Variants in SPATA9 observed in about 807,000 individuals in gnomAD.
SPATA9 encodes the protein spermatogenesis-associated protein 9.
A neutral mutation model predicts 25.5 loss-of-function variants in SPATA9; 27 were observed. The ratio of observed to expected loss-of-function variants is 1.06; its 90% CI spans 0.78 to 1.46. The LOEUF (loss-of-function observed/expected upper bound fraction) is 1.46, where lower values mean the gene tolerates loss of function less well. Ranked by LOEUF, SPATA9 falls within the 40% of genes most tolerant of loss-of-function variation. The pLI is 0.00. For missense variants in SPATA9, 282 were observed against 297.5 expected (o/e 0.95, Z 0.38); for synonymous variants, 102 against 105.7 (o/e 0.97, Z 0.21).
chr5:95,703,590 C>A (rs564631303), upstream of SPATA9, among the ~76,000 whole-genome samples: 1 of 151,804 alleles, frequency 6.6e-6, no homozygotes. Context: ...GCCGAGATTG[C>A]ACCACTGCAT....
the SPATA9 span, among the ~76,000 whole-genome samples, chr5:95,718,142 T>G: frequency 6.6e-6 from 1 of 152,130 alleles, no homozygotes; most frequent in South Asian, 2.1e-4. Flanking sequence ...AAACCTGAAC[T>G]AAAAGATACT....
chr5:95,706,731 GGAC>G, the SPATA9 span, among the ~76,000 whole-genome samples: 2 of 151,944 alleles, frequency 1.3e-5, no homozygotes, highest in Non-Finnish European at 2.9e-5. Context: ...CTAGAAAAGA[GGAC>G]AATTTCTCCC....
chr5:95,682,767 C>T lies in SPATA9; in HGVS notation c.61+27G>A, dbSNP rs776596315. Reference sequence around the variant, plus strand: ...ATTCCCAATTGTTCCCACACCCATACGCCCTTTACAACAAGATTGTGTATA... The same window carrying T: ...ATTCCCAATTGTTCCCACACCCATATGCCCTTTACAACAAGATTGTGTATA... On this transcript the variant is annotated intron_variant, in intron 1 of 4. Transcript: ENST00000274432. 5.4e-5 allele frequency: 83 copies of T among 1,538,202 alleles called. 1 individual carries two copies. The highest frequency in any genetic ancestry group is 1.8e-4 in the East Asian group (8 of 44,348).
At chr5:95,730,079 T>C in the SPATA9 span, among the ~76,000 whole-genome samples, 1 of 151,634 alleles carries the variant, frequency 6.6e-6, no homozygotes, top group Admixed American at 6.6e-5. Flanking sequence ...AAAGGGAAAT[T>C]AGATTAAAAA....
Position 95,694,243 on chromosome 5 carries a change from C to T in SPATA9, n.124+4345G>A, listed in dbSNP as rs10077822. Among the ~76,000 whole-genome samples the T allele has an allele frequency of 5.6e-3, 847 of 152,238 alleles. 16 individuals are homozygous for T. Among genetic ancestry groups the T allele is most frequent in the African/African-American group, 0.02 (813 of 41,536 alleles). Reference sequence around the variant, plus strand: ...TATAAGCTTCATATATTGTTATGATCTTTAGTTAGAAGTCTTAGATTTATC... The same window carrying T: ...TATAAGCTTCATATATTGTTATGATTTTTAGTTAGAAGTCTTAGATTTATC... On this transcript the variant is annotated intron_variant and non_coding_transcript_variant, in intron 1 of 2. Coordinates refer to the SPATA9 transcript ENST00000379990.
chr5:95,661,143 T>C (rs1044807814), intron 4 of SPATA9, among the ~76,000 whole-genome samples: 1 of 152,122 alleles, frequency 6.6e-6, no homozygotes, highest in South Asian at 2.1e-4. Flanking sequence ...ACTTGACTTT[T>C]TCTGCTTGTA....
At chr5:95,654,295 T>C (rs772587611), downstream of SPATA9, 1 of 1,610,584 alleles carries the variant, frequency 6.2e-7, no homozygotes, top group Non-Finnish European at 8.5e-7. Context: ...AAATTTCAGT[T>C]TTTTAGTGAC....
chr5:95,721,894 T>A, the SPATA9 span, among the ~76,000 whole-genome samples: 1 of 152,178 alleles, frequency 6.6e-6, no homozygotes, highest in African/African-American at 2.4e-5. Context: ...GCCAACCTAA[T>A]ATATAATGGC....
At chr5:95,675,289 C>T (rs1179560789) in intron 3 of SPATA9, 123 bp downstream of exon 3, 1 of 782,118 alleles carries the variant, frequency 1.3e-6, no homozygotes, top group African/African-American at 1.8e-5. Flanking sequence ...CCATTCATTT[C>T]TCTTATCCAA....
chr5:95,704,578 T>C, the SPATA9 span, among the ~76,000 whole-genome samples: 5 of 152,164 alleles, frequency 3.3e-5, no homozygotes, highest in Non-Finnish European at 4.4e-5. Context: ...AAATAAAGTA[T>C]CAATTAAAGA....
At chr5:95,677,624 A>C (rs941224585) in intron 2 of SPATA9, among the ~76,000 whole-genome samples, 2 of 152,174 alleles carry the variant, frequency 1.3e-5, no homozygotes, top group African/African-American at 4.8e-5. Flanking sequence ...ACACATTAAC[A>C]ATAACCAACA....
the SPATA9 span, among the ~76,000 whole-genome samples, chr5:95,715,895 G>T: frequency 6.6e-6 from 1 of 152,206 alleles, no homozygotes; most frequent in East Asian, 1.9e-4. Context: ...ACCACTCAAT[G>T]TAAAATACGG....
chr5:95,674,573 AT>A (rs1752738026), intron 3 of SPATA9: 1 of 267,872 alleles, frequency 3.7e-6, no homozygotes, highest in Non-Finnish European at 7.5e-6. Context: ...ACAGCTGCAA[AT>A]TATCTTGCAA....
In SPATA9 at chr5:95,675,604, C is replaced by G; in HGVS notation, c.186G>C (p.Arg62Ser). 6.2e-7 allele frequency: 1 copy of G among 1,614,048 alleles called. No homozygotes were observed. ...TAATCTTAGCTAAAGCAATAGCCAT[C>G]CTGATTTTGGATGTTTTCTGCGCAG... Reference protein sequence around the residue: ...REPAQKTSKIRMAIALAKINR... With the variant: ...REPAQKTSKISMAIALAKINR... Residue 62 changes from arginine to serine, a missense_variant, in exon 3 of 5, where the codon AGG becomes AGC. By Grantham distance (110) the Arg-to-Ser change is moderately radical (BLOSUM62 -1). Coordinates refer to ENST00000274432, the MANE Select transcript of SPATA9 (RefSeq NM_031952.4).
the SPATA9 span, among the ~76,000 whole-genome samples, chr5:95,718,593 T>C: frequency 1.3e-5 from 2 of 152,196 alleles, no homozygotes; most frequent in South Asian, 2.1e-4. Flanking sequence ...CAATACCAAA[T>C]GCTCAATTGA....
chr5:95,654,081 C>A (rs778691566), downstream of SPATA9: 44 of 1,610,736 alleles, frequency 2.7e-5, no homozygotes, highest in Non-Finnish European at 3.6e-5. Context: ...GATGGCTCTG[C>A]ACAAGATCCT....
intron 2 of SPATA9, among the ~76,000 whole-genome samples, chr5:95,679,692 C>G (rs377452935): frequency 6.6e-6 from 1 of 152,210 alleles, no homozygotes; most frequent in African/African-American, 2.4e-5. Flanking sequence ...ATGACCGCCT[C>G]TTCCTATGAT....
intron 1 of SPATA9, among the ~76,000 whole-genome samples, chr5:95,694,046 GCTA>G (rs1447315974): frequency 2.6e-5 from 4 of 152,036 alleles, no homozygotes; most frequent in African/African-American, 2.4e-5. Context: ...TGTAGTCCTA[GCTA>G]CTCTGGAGGC....
the SPATA9 span, among the ~76,000 whole-genome samples, chr5:95,710,622 A>T: frequency 3.3e-5 from 5 of 152,284 alleles, no homozygotes; most frequent in African/African-American, 1.2e-4. Context: ...TTTCATGGAC[A>T]AACAGGTGAA....
Sources: allele counts gnomAD v4.1 joint callset (sites outside exome capture counted in the v4.1 genomes callset), GRCh38; gene constraint gnomAD v4.1.1; transcripts MANE v1.5; gene names NCBI Gene and HGNC (gene_info 2026-07-23, HGNC 2026-07-21).